The following ZNF341 variants were observed in gnomAD, a reference collection of about 807,000 sequenced individuals.
The protein encoded by ZNF341 is zinc finger protein 341.
ZNF341 carries 52 observed loss-of-function variants against 87.7 expected under a neutral mutation model. That is an observed-to-expected ratio of 0.59 (90% CI 0.47 to 0.75). ZNF341 has a LOEUF of 0.75. ZNF341 is among the 30% of genes least tolerant of loss of function. The pLI is 0.00. For missense variants in ZNF341, 977 were observed against 1,145.9 expected, an observed-to-expected ratio of 0.85 and a Z score of 2.13; for synonymous variants, 459 against 472.7, an observed-to-expected ratio of 0.97 and a Z score of 0.38.
intron 10 of ZNF341, among the ~76,000 whole-genome samples, chr20:33,775,501 G>T (rs1257463897): frequency 6.7e-6 from 1 of 148,724 alleles, no homozygotes; most frequent in Non-Finnish European, 1.5e-5. Context: ...GAGCCACCGT[G>T]CCCGGCCTTT....
At chr20:33,754,670 C>T (rs1380654550) in intron 5 of ZNF341, among the ~76,000 whole-genome samples, 9 of 152,138 alleles carry the variant, frequency 5.9e-5, no homozygotes, top group Admixed American at 5.9e-4. Context: ...CAGAGAGGAC[C>T]AGCACAGAAG....
At chr20:33,753,831 C>T (rs1215902285) in intron 5 of ZNF341, among the ~76,000 whole-genome samples, 1 of 152,206 alleles carries the variant, frequency 6.6e-6, no homozygotes, top group African/African-American at 2.4e-5. Context: ...AAATATCCAT[C>T]AGGCATCAGT....
At chr20:33,762,840 C>T (rs1288818344) in intron 8 of ZNF341, among the ~76,000 whole-genome samples, 2 of 152,018 alleles carry the variant, frequency 1.3e-5, no homozygotes. Context: ...CCAGCTTCAT[C>T]CATGTCCCTG....
At chr20:33,785,172 C>T (rs2122734752) in intron 12 of ZNF341, among the ~76,000 whole-genome samples, 1 of 151,854 alleles carries the variant, frequency 6.6e-6, no homozygotes, top group Non-Finnish European at 1.5e-5. Context: ...AAATAAACTC[C>T]CTCTCACTTC....
chr20:33,788,826 G>C lies in ZNF341; in HGVS notation c.1853-37G>C, dbSNP rs78166933. ...CCTTGTGCCCTGGATGCCGACTCCT[G>C]GTGAGTGCTGGCTCTCCCTGTCTGT... On this transcript the variant is annotated intron_variant, in intron 12 of 14. Transcript: ENST00000375200. The C allele has an allele frequency of 1.7e-3, 2,729 of 1,587,708 alleles. 47 individuals carry two copies. In the African/African-American group the frequency reaches 0.031, roughly 18 times the overall value.
chr20:33,764,561 ATTT>A (rs1164096634), intron 8 of ZNF341, among the ~76,000 whole-genome samples: 6 of 28,408 alleles, frequency 2.1e-4, no homozygotes, highest in African/African-American at 4.4e-4. Context: ...ATATATATAT[ATTT>A]TTTTTTTTTT....
intron 13 of ZNF341, 145 bp from the exon 14 acceptor site, chr20:33,789,373 C>A: frequency 1.3e-6 from 1 of 780,082 alleles, no homozygotes; most frequent in East Asian, 2.7e-5. Flanking sequence ...TGTCCTGGGC[C>A]CTGCCTGCCT....
At chr20:33,788,554 G>C (rs1568596234) in intron 12 of ZNF341, 1 of 410,208 alleles carries the variant, frequency 2.4e-6, no homozygotes, top group Non-Finnish European at 4.6e-6. Context: ...TTGTTCATCA[G>C]CACCGCCAAA....
intron 2 of ZNF341, among the ~76,000 whole-genome samples, chr20:33,743,607 A>G (rs947275834): frequency 1.3e-5 from 2 of 152,052 alleles, no homozygotes; most frequent in Non-Finnish European, 2.9e-5. Flanking sequence ...CCAAAGTGCT[A>G]GGATTACAGG....
intron 4 of ZNF341, 129 bp from the exon 5 acceptor site, chr20:33,753,043 C>T: frequency 7.5e-7 from 1 of 1,325,670 alleles, no homozygotes. Flanking sequence ...CCTCTCTTAG[C>T]CCCTCTCCTG....
intron 6 of ZNF341, 38 bp from the exon 7 acceptor site, chr20:33,758,678 C>A: frequency 1.3e-6 from 2 of 1,567,164 alleles, no homozygotes; most frequent in Non-Finnish European, 1.8e-6. Flanking sequence ...GAGCTGCACC[C>A]CCAGCCTCAT....
chr20:33,761,369 A>G (rs557206752), intron 7 of ZNF341, among the ~76,000 whole-genome samples: 1 of 152,198 alleles, frequency 6.6e-6, no homozygotes, highest in Admixed American at 6.5e-5. Flanking sequence ...GGTTCAAGCA[A>G]TTCTCCTGCC....
chr20:33,734,609 G>T (rs1052569026), intron 1 of ZNF341, among the ~76,000 whole-genome samples: 2 of 152,160 alleles, frequency 1.3e-5, no homozygotes, highest in East Asian at 1.9e-4. Context: ...GCCCCAGAGG[G>T]TGCCCTGGTG....
At chr20:33,789,872 G>A (rs1404400009) in intron 14 of ZNF341, among the ~76,000 whole-genome samples, 2 of 151,328 alleles carry the variant, frequency 1.3e-5, no homozygotes, top group African/African-American at 2.4e-5. Flanking sequence ...AGGTGTGGAC[G>A]AGGTGTGGAG....
rs752976706 is a variant in ZNF341 at position 33,749,042 on chromosome 20, G to A, written c.459G>A (p.Gln153=). 6.2e-7 allele frequency: 1 copy of A among 1,614,084 alleles called. No homozygotes were observed. Among genetic ancestry groups the A allele is most frequent in the Non-Finnish European group, 8.5e-7 (1 of 1,179,962 alleles). Residue 153 remains glutamine (Q), a synonymous_variant, in exon 4 of 15, where the codon CAG becomes CAA. Transcript: ENST00000375200. ...SAMSAFTSLD[Q]PMPQGPPPVQ... is the part of the protein sequence containing the mutation. ...TGTCAGCCTTCACATCCCTGGACCA[G>A]CCCATGCCCCAGGGCCCCCCACCTG...
rs767620525 is a variant in ZNF341, at chr20:33,781,352, G to A, written c.1684G>A (p.Ala562Thr). The change falls in exon 11 of 15, where the codon GCC becomes ACC. Residue 562 changes from alanine to threonine, a missense_variant. Coordinates refer to ENST00000375200, the MANE Select transcript of ZNF341 (RefSeq NM_001282933.2). ...PEALEHHLQTATHNFPCPHCQ... is the reference protein window; with the variant it reads ...PEALEHHLQTTTHNFPCPHCQ... The stretch of plus-strand genomic sequence containing the variant: ...GGCCCTGGAGCACCACCTGCAGACC[G>A]CCACTCACAACTTCCCCTGCCCACA... The A allele has an allele frequency of 3.4e-5, 55 of 1,613,920 alleles. No individual in the cohort carries two copies. The East Asian group carries it at 4.0e-4, about 12-fold the overall frequency.
intron 14 of ZNF341, among the ~76,000 whole-genome samples, chr20:33,790,428 T>G (rs1369646784): frequency 6.6e-6 from 1 of 152,100 alleles, no homozygotes; most frequent in East Asian, 1.9e-4. Flanking sequence ...TGTAGGATTT[T>G]TAGCAGTATC....
chr20:33,788,474 TC>T (rs2019919872), intron 12 of ZNF341: 1 of 250,622 alleles, frequency 4.0e-6, no homozygotes, highest in East Asian at 9.9e-5. Context: ...TCCCAGGTCC[TC>T]CCATGCGGAC....
At chr20:33,771,431 A>T (rs1009535953) in intron 10 of ZNF341, among the ~76,000 whole-genome samples, 9 of 151,460 alleles carry the variant, frequency 5.9e-5, no homozygotes, top group Non-Finnish European at 1.2e-4. Context: ...TTTTTTGTAG[A>T]GACGGGGTTT....
Sources: gnomAD v4.1 joint callset for allele counts (sites outside exome capture counted in the v4.1 genomes callset) on GRCh38, gnomAD v4.1.1 for gene constraint, MANE v1.5 for transcripts, NCBI Gene and HGNC (gene_info 2026-07-23, HGNC 2026-07-21) for gene names.